The following GPHN variants were observed in gnomAD, a reference collection of about 807,000 sequenced individuals.
The protein encoded by GPHN is gephyrin.
Under a neutral mutation model 95.5 loss-of-function variants are expected in GPHN, and 17 were observed. The observed-to-expected ratio is 0.18, with a 90% CI of 0.12 to 0.27. The LOEUF is 0.27. GPHN is among the 10% of genes least tolerant of loss of function. The probability of loss-of-function intolerance (pLI) is 1.00; values close to 1 mark genes in which losing one functional copy is unlikely to be tolerated. For missense variants in GPHN, 660 were observed against 978.1 expected (o/e 0.67, Z 4.34); for synonymous variants, 320 against 322.5 (o/e 0.99, Z 0.08).
the GPHN span, among the ~76,000 whole-genome samples, chr14:67,672,285 A>AT: frequency 2.0e-5 from 3 of 151,062 alleles, no homozygotes; most frequent in East Asian, 1.9e-4. Flanking sequence ...TGCCTGGCTA[A>AT]TTTTTTTATT....
chr14:67,118,776 T>C (rs921730761), intron 16 of GPHN, among the ~76,000 whole-genome samples: 1 of 151,958 alleles, frequency 6.6e-6, no homozygotes, highest in Non-Finnish European at 1.5e-5. Flanking sequence ...CGGGGGGAGT[T>C]ACCTTTCTTA....
the GPHN span, among the ~76,000 whole-genome samples, chr14:67,326,221 ATTTTTTTTTTTTT>A: frequency 0.014 from 175 of 12,874 alleles, no homozygotes; most frequent in African/African-American, 0.047. Context: ...TTTAGGTCTG[ATTTTTTTTTTTTT>A]TTTTTTTTTT....
the GPHN span, chr14:67,340,660 A>G: frequency 5.7e-6 from 4 of 699,412 alleles, no homozygotes; most frequent in Non-Finnish European, 9.4e-6. Flanking sequence ...AAATAAAAAC[A>G]CAAAGAAGCT....
chr14:67,161,861 T>A (rs887248752), intron 19 of GPHN, among the ~76,000 whole-genome samples: 12 of 152,240 alleles, frequency 7.9e-5, no homozygotes, highest in African/African-American at 2.9e-4. Flanking sequence ...ATTTAAAATA[T>A]TCTCAGTGCC....
At chr14:66,629,478 A>G (rs1323476102) in intron 1 of GPHN, among the ~76,000 whole-genome samples, 4 of 152,010 alleles carry the variant, frequency 2.6e-5, no homozygotes, top group African/African-American at 7.2e-5. Flanking sequence ...TACTGCCTGA[A>G]GGAACTGCCT....
At chr14:67,062,707 A>G (rs1461964652) in intron 11 of GPHN, among the ~76,000 whole-genome samples, 1 of 152,144 alleles carries the variant, frequency 6.6e-6, no homozygotes, top group Non-Finnish European at 1.5e-5. Context: ...TTGGCTGCAT[A>G]AATGTCTTCT....
intron 4 of GPHN, among the ~76,000 whole-genome samples, chr14:66,836,918 G>A (rs1207182973): frequency 3.3e-5 from 5 of 149,726 alleles, no homozygotes; most frequent in African/African-American, 1.2e-4. Context: ...CAGTTAGAAT[G>A]GCAATCATTA....
the GPHN span, among the ~76,000 whole-genome samples, chr14:67,268,922 G>A: frequency 1.1e-4 from 17 of 152,266 alleles, no homozygotes; most frequent in African/African-American, 3.9e-4. Context: ...CCTTTCAAGT[G>A]TGCAAATTCA....
the GPHN span, among the ~76,000 whole-genome samples, chr14:67,524,385 C>A: frequency 1.3e-5 from 2 of 152,082 alleles, no homozygotes; most frequent in African/African-American, 4.8e-5. Context: ...TCTAAGAATG[C>A]CAAAGGTCAG....
chr14:67,111,725 A>C, intron 14 of GPHN, 136 bp from the exon 15 acceptor site: 1 of 688,224 alleles, frequency 1.5e-6, no homozygotes, highest in South Asian at 1.8e-5. Context: ...GTGTTTTCAA[A>C]GGGTGTAGCA....
At chr14:67,174,120 C>T (rs571151976) in intron 21 of GPHN, among the ~76,000 whole-genome samples, 157 of 152,286 alleles carry the variant, frequency 1.0e-3, no homozygotes, top group Non-Finnish European at 1.0e-3. Flanking sequence ...ATGTGCACAA[C>T]GTGCAGGTTT....
At chr14:67,125,051 C>A (rs2079217400) in intron 17 of GPHN, among the ~76,000 whole-genome samples, 1 of 151,934 alleles carries the variant, frequency 6.6e-6, no homozygotes, top group Admixed American at 6.6e-5. Flanking sequence ...TAAGGCAATT[C>A]AGTGAATGTA....
the GPHN span, among the ~76,000 whole-genome samples, chr14:67,187,887 A>G: frequency 0.012 from 1,834 of 152,172 alleles, 19 homozygotes; most frequent in Non-Finnish European, 0.018. Flanking sequence ...TCACCCCTCT[A>G]TCTTATCACT....
intron 9 of GPHN, among the ~76,000 whole-genome samples, chr14:66,976,902 G>T (rs1044174082): frequency 8.8e-6 from 1 of 113,114 alleles, no homozygotes; most frequent in African/African-American, 4.1e-5. Context: ...AATACATGCA[G>T]CACAGAAATA....
At chr14:66,893,695 C>A in intron 5 of GPHN, among the ~76,000 whole-genome samples, 1 of 152,102 alleles carries the variant, frequency 6.6e-6, no homozygotes, top group Admixed American at 6.5e-5. Context: ...GTGCAAAAAT[C>A]ACAAGCATTC....
At chr14:66,545,857 G>A (rs1295727430) in intron 1 of GPHN, among the ~76,000 whole-genome samples, 36 of 150,156 alleles carry the variant, frequency 2.4e-4, no homozygotes, top group Non-Finnish European at 1.3e-4. Flanking sequence ...CTGGCCAGGC[G>A]GGGGGCTGAC....
At chr14:66,964,671 G>A (rs1459475593) in intron 8 of GPHN, among the ~76,000 whole-genome samples, 3 of 152,262 alleles carry the variant, frequency 2.0e-5, no homozygotes, top group Non-Finnish European at 2.9e-5. Flanking sequence ...TGATGATCTG[G>A]TAGAGAGGGA....
intron 9 of GPHN, among the ~76,000 whole-genome samples, chr14:66,972,866 A>G (rs1009250905): frequency 1.3e-5 from 2 of 152,196 alleles, no homozygotes; most frequent in Non-Finnish European, 2.9e-5. Flanking sequence ...GTGATTGTTC[A>G]TACTACTTGG....
chr14:67,370,691 T>A, the GPHN span, among the ~76,000 whole-genome samples: 1 of 152,188 alleles, frequency 6.6e-6, no homozygotes, highest in Non-Finnish European at 1.5e-5. Flanking sequence ...GTCCTATATG[T>A]TAGAGAAATT....
Sources: allele counts gnomAD v4.1 joint callset (sites outside exome capture counted in the v4.1 genomes callset), GRCh38; gene constraint gnomAD v4.1.1; transcripts MANE v1.5; gene names NCBI Gene and HGNC (gene_info 2026-07-23, HGNC 2026-07-21).